The following EPM2A variants were observed in gnomAD, a reference collection of about 807,000 sequenced individuals.
EPM2A encodes the protein laforin.
In EPM2A, 21 loss-of-function variants were observed where a neutral mutation model predicts 26.5. That is an observed-to-expected ratio of 0.79 (90% CI 0.56 to 1.14). The LOEUF (loss-of-function observed/expected upper bound fraction) is 1.14, where lower values mean the gene tolerates loss of function less well. Among genes scored for constraint, EPM2A ranks in the 50% most tolerant of loss-of-function variants. The pLI, the probability that EPM2A is intolerant of heterozygous loss-of-function variation, is 0.00. For missense variants in EPM2A, 458 were observed against 440.8 expected, an observed-to-expected ratio of 1.04 and a Z score of -0.35; for synonymous variants, 217 against 177.6, an observed-to-expected ratio of 1.22 and a Z score of -1.76.
At chr6:145,686,013 G>T in intron 2 of EPM2A, 109 bp downstream of exon 2, 1 of 944,584 alleles carries the variant, frequency 1.1e-6, no homozygotes, top group Non-Finnish European at 1.7e-6. Flanking sequence ...CAGGCCTATA[G>T]ACCCCTCCCA....
At chr6:145,708,251 A>C (rs773495240) in intron 1 of EPM2A, among the ~76,000 whole-genome samples, 10 of 152,236 alleles carry the variant, frequency 6.6e-5, no homozygotes, top group Non-Finnish European at 1.0e-4. Context: ...TTCTGGGGAA[A>C]AAATCCAGCT....
chr6:145,459,963 G>A (rs887323840), intron 4 of EPM2A, among the ~76,000 whole-genome samples: 1 of 152,114 alleles, frequency 6.6e-6, no homozygotes, highest in Non-Finnish European at 1.5e-5. Context: ...AGACCAGTTA[G>A]TATTTTAATT....
chr6:145,523,257 T>C (rs1174714805), intron 2 of EPM2A, among the ~76,000 whole-genome samples: 4 of 152,194 alleles, frequency 2.6e-5, no homozygotes, highest in African/African-American at 9.7e-5. Flanking sequence ...GTTTTAGTGA[T>C]ATGGGTTCAC....
intron 4 of EPM2A, among the ~76,000 whole-genome samples, chr6:145,440,728 A>T (rs536041396): frequency 1.2e-4 from 18 of 152,344 alleles, no homozygotes; most frequent in African/African-American, 4.1e-4. Context: ...GGGGCAGTCA[A>T]ATCTTAAAGC....
At chr6:145,735,955 C>T (rs1254227924), upstream of EPM2A, 1 of 151,978 alleles carries the variant, frequency 6.6e-6, no homozygotes, top group African/African-American at 2.4e-5. Flanking sequence ...GATCTTGGAC[C>T]TGGTCTCTGG....
chr6:145,529,040 G>A (rs568145862), intron 2 of EPM2A, among the ~76,000 whole-genome samples: 10 of 152,254 alleles, frequency 6.6e-5, no homozygotes, highest in East Asian at 3.9e-4. Context: ...AGAGTCAGTC[G>A]TGGAGCCTAA....
At chr6:145,634,234 C>T (rs1776479031) in intron 3 of EPM2A, among the ~76,000 whole-genome samples, 2 of 152,156 alleles carry the variant, frequency 1.3e-5, no homozygotes, top group South Asian at 2.1e-4. Context: ...GTTCTCTCCT[C>T]TGCCGACTGT....
intron 2 of EPM2A, among the ~76,000 whole-genome samples, chr6:145,677,232 G>A (rs1780120850): frequency 6.6e-6 from 1 of 151,992 alleles, no homozygotes; most frequent in Non-Finnish European, 1.5e-5. Flanking sequence ...AAATTCAACA[G>A]CCCTTCATGC....
chr6:145,393,057 C>T (rs921931564), intron 4 of EPM2A, among the ~76,000 whole-genome samples: 1 of 151,938 alleles, frequency 6.6e-6, no homozygotes. Context: ...GCCAAGCTTT[C>T]CAACTCATTT....
At chr6:145,542,936 T>C (rs1260471133) in intron 2 of EPM2A, among the ~76,000 whole-genome samples, 1 of 152,128 alleles carries the variant, frequency 6.6e-6, no homozygotes, top group Non-Finnish European at 1.5e-5. Context: ...TTGTTGTATT[T>C]TTAGTAGAGA....
chr6:145,518,595 C>CA lies in EPM2A; in HGVS notation c.341-16021dup, dbSNP rs55802475. Among the ~76,000 whole-genome samples the CA allele has an allele frequency of 5.5e-3, 562 of 102,530 alleles. 36 individuals are homozygous for CA. The highest frequency in any genetic ancestry group is 0.022 in the East Asian group (76 of 3,386). 67.3% of individuals were successfully genotyped at this position (102,530 alleles called of 152,430 possible). ...CAGTTCCAGATTGTGTGAAATGCAC[C>CA]AAAAAAAAAAAAAAAAAAAAAAAAA... On this transcript the variant is annotated intron_variant, in intron 2 of 3. Coordinates refer to the EPM2A transcript ENST00000450221.
intron 4 of EPM2A, among the ~76,000 whole-genome samples, chr6:145,473,316 A>G (rs1181446780): frequency 6.6e-6 from 1 of 152,020 alleles, no homozygotes; most frequent in Non-Finnish European, 1.5e-5. Flanking sequence ...GCAGAAGAAA[A>G]AAAAAATAGT....
intron 2 of EPM2A, among the ~76,000 whole-genome samples, chr6:145,655,762 T>A (rs1778230561): frequency 6.6e-6 from 1 of 152,012 alleles, no homozygotes; most frequent in South Asian, 2.1e-4. Context: ...AGCTAAAGGA[T>A]ATACTAGGCG....
At chr6:145,717,563 A>G (rs1470882492) in intron 1 of EPM2A, among the ~76,000 whole-genome samples, 1 of 152,246 alleles carries the variant, frequency 6.6e-6, no homozygotes, top group Non-Finnish European at 1.5e-5. Flanking sequence ...GGCACAAGAC[A>G]GGGATGCCCT....
intron 2 of EPM2A, among the ~76,000 whole-genome samples, chr6:145,682,167 TCA>T (rs992907196): frequency 2.0e-5 from 3 of 152,128 alleles, no homozygotes; most frequent in Non-Finnish European, 4.4e-5. Context: ...GAAGAGCAAG[TCA>T]CGTCTTACAT....
chr6:145,654,114 C>T (rs977905536), intron 2 of EPM2A, among the ~76,000 whole-genome samples: 1 of 152,082 alleles, frequency 6.6e-6, no homozygotes, highest in African/African-American at 2.4e-5. Context: ...GTCCTGATCT[C>T]AGAACTCACT....
chr6:145,593,666 C>T (rs1188749632), intron 2 of EPM2A, among the ~76,000 whole-genome samples: 1 of 151,920 alleles, frequency 6.6e-6, no homozygotes, highest in Non-Finnish European at 1.5e-5. Context: ...CTAAACAACT[C>T]ACTGCTAAAT....
intron 2 of EPM2A, among the ~76,000 whole-genome samples, chr6:145,521,975 C>T (rs573556899): frequency 5.3e-5 from 8 of 152,130 alleles, no homozygotes; most frequent in Non-Finnish European, 1.2e-4. Flanking sequence ...TTGTTTGAGA[C>T]GGAGTCTCCC....
intron 2 of EPM2A, among the ~76,000 whole-genome samples, chr6:145,556,101 A>T (rs1021355926): frequency 6.6e-6 from 1 of 152,212 alleles, no homozygotes; most frequent in Non-Finnish European, 1.5e-5. Context: ...AAATGAAAAT[A>T]AAAAACAACA....
Sources: gnomAD v4.1 joint callset for allele counts (sites outside exome capture counted in the v4.1 genomes callset) on GRCh38, gnomAD v4.1.1 for gene constraint, MANE v1.5 for transcripts, NCBI Gene and HGNC (gene_info 2026-07-23, HGNC 2026-07-21) for gene names.